PTGER3: variants seen among roughly 807,000 people sequenced by gnomAD.
PTGER3 encodes prostaglandin E2 receptor EP3 subtype.
In PTGER3, 22 loss-of-function variants were observed where a neutral mutation model predicts 34.7. The ratio of observed to expected loss-of-function variants is 0.63; its 90% CI spans 0.45 to 0.91. The LOEUF (loss-of-function observed/expected upper bound fraction) is 0.91, where lower values mean the gene tolerates loss of function less well. Among genes scored for constraint, PTGER3 ranks in the 40% least tolerant of loss-of-function variants. The pLI is 0.00. For synonymous variants in PTGER3, 241 were observed against 230.1 expected, an observed-to-expected ratio of 1.05 and a Z score of -0.43; for missense variants, 468 against 519.4, an observed-to-expected ratio of 0.90 and a Z score of 0.96.
chr1:70,954,318 C>T lies in PTGER3; in HGVS notation c.1078-529G>A, dbSNP rs116450812. 9.1e-3 allele frequency among the ~76,000 whole-genome samples: 1,388 copies of T among 152,168 alleles called. 19 individuals carry two copies. The highest frequency in any genetic ancestry group is 0.032 in the African/African-American group (1,315 of 41,474). ...CACTAACCTAGGAAGGTCTATTGGA[C>T]CAGTCTTTATAAAAGACTTTTATGA... is the stretch of plus-strand genomic sequence containing the variant. On this transcript the variant is annotated intron_variant, in intron 2 of 3. Transcript: ENST00000356595.
chr1:70,901,294 T>C (rs1219659883), intron 4 of PTGER3, among the ~76,000 whole-genome samples: 1 of 152,162 alleles, frequency 6.6e-6, no homozygotes, highest in African/African-American at 2.4e-5. Flanking sequence ...TAAGACAACA[T>C]GTCATCATCA....
downstream of PTGER3, among the ~76,000 whole-genome samples, chr1:70,968,425 A>G (rs1045757791): frequency 6.6e-6 from 1 of 152,108 alleles, no homozygotes; most frequent in Non-Finnish European, 1.5e-5. Flanking sequence ...TAAGGATCTT[A>G]CTTTATTTTG....
At chr1:70,912,241 C>T (rs1008344723) in intron 4 of PTGER3, among the ~76,000 whole-genome samples, 3 of 152,034 alleles carry the variant, frequency 2.0e-5, no homozygotes, top group Non-Finnish European at 4.4e-5. Flanking sequence ...GGATACCATT[C>T]ATTTTCTCCT....
At chr1:70,940,238 C>A (rs1352801152) in intron 4 of PTGER3, among the ~76,000 whole-genome samples, 1 of 152,214 alleles carries the variant, frequency 6.6e-6, no homozygotes, top group Non-Finnish European at 1.5e-5. Flanking sequence ...CCACCTGAGA[C>A]CACCTCAGCC....
intron 2 of PTGER3, among the ~76,000 whole-genome samples, chr1:70,999,653 AG>A (rs1656296497): frequency 6.6e-6 from 1 of 152,226 alleles, no homozygotes; most frequent in South Asian, 2.1e-4. Flanking sequence ...CTCTGTAACT[AG>A]GAAGCACAAG....
Position 71,046,965 on chromosome 1 carries a change from C to A in PTGER3, c.613G>T (p.Gly205Trp). Reference sequence around the variant, plus strand: ...CCGGTGCTGATGAAGCACCACGTCCCGGGCCACTGGACGGTGTACTGGCCC... The same window carrying A: ...CCGGTGCTGATGAAGCACCACGTCCAGGGCCACTGGACGGTGTACTGGCCC... ...GVGQYTVQWP[G>W]TWCFISTGRG... Residue 205 changes from glycine to tryptophan, a missense_variant, in exon 1 of 4, where the codon GGG becomes TGG. Around this residue, in one of 5 missense-constraint regions of PTGER3, gnomAD observed 204 missense variants for 230.8 expected, o/e 0.88. Transcript: ENST00000306666. The A allele has an allele frequency of 6.2e-7, 1 of 1,611,338 alleles. No individual in the cohort carries two copies. Among genetic ancestry groups the A allele is most frequent in the South Asian group, 1.1e-5 (1 of 90,746 alleles).
chr1:70,918,907 A>T (rs1403987479), intron 4 of PTGER3, among the ~76,000 whole-genome samples: 1 of 152,096 alleles, frequency 6.6e-6, no homozygotes, highest in African/African-American at 2.4e-5. Flanking sequence ...GAATTAGGAC[A>T]ATTTGCTATT....
intron 1 of PTGER3, among the ~76,000 whole-genome samples, chr1:71,030,040 A>G (rs991556959): frequency 2.0e-5 from 3 of 152,096 alleles, no homozygotes; most frequent in African/African-American, 7.2e-5. Context: ...CTTTGTAGGT[A>G]TTTGAGACAA....
At chr1:70,990,442 A>T (rs1486670638) in intron 2 of PTGER3, among the ~76,000 whole-genome samples, 1 of 146,968 alleles carries the variant, frequency 6.8e-6, no homozygotes, top group Non-Finnish European at 1.5e-5. Context: ...ATCAATGTAT[A>T]ATATATATAT....
chr1:70,982,785 T>C lies in PTGER3; in HGVS notation c.1078-8397A>G, dbSNP rs113883765. On this transcript the variant is annotated intron_variant, in intron 2 of 3. Coordinates refer to ENST00000306666, the MANE Select transcript of PTGER3 (RefSeq NM_198719.2). ...TCTCTGCTTTTTAAATTTCACTGTT[T>C]TTTCATTTTCTCCTTCCTCATTCAC... Among the ~76,000 whole-genome samples, 483 of 152,086 alleles carry C rather than the reference T, an allele frequency of 3.2e-3. 4 individuals carry two copies. The highest frequency in any genetic ancestry group is 0.011 in the African/African-American group (469 of 41,468).
chr1:70,877,349 T>A (rs1429542618), intron 4 of PTGER3, among the ~76,000 whole-genome samples: 1 of 152,216 alleles, frequency 6.6e-6, no homozygotes, highest in African/African-American at 2.4e-5. Context: ...CTAAGAGCTC[T>A]TGGGAAGAGA....
intron 4 of PTGER3, among the ~76,000 whole-genome samples, chr1:70,941,536 C>T (rs979005278): frequency 2.6e-5 from 4 of 152,116 alleles, no homozygotes; most frequent in Non-Finnish European, 5.9e-5. Context: ...TTACTGGCAC[C>T]TCTGCTTTGA....
chr1:70,964,551 G>A (rs190971873), intron 2 of PTGER3, among the ~76,000 whole-genome samples: 1 of 152,134 alleles, frequency 6.6e-6, no homozygotes, highest in Non-Finnish European at 1.5e-5. Flanking sequence ...ATCATCTCTT[G>A]TGAGATGTAT....
intron 4 of PTGER3, among the ~76,000 whole-genome samples, chr1:70,910,985 G>A (rs548049741): frequency 3.3e-5 from 5 of 151,800 alleles, no homozygotes; most frequent in Admixed American, 2.0e-4. Context: ...GAGGCTGAGG[G>A]AGGAGAATCG....
intron 2 of PTGER3, among the ~76,000 whole-genome samples, chr1:71,003,751 A>G (rs1656692469): frequency 6.6e-6 from 1 of 152,240 alleles, no homozygotes; most frequent in Non-Finnish European, 1.5e-5. Flanking sequence ...TTCACTGGGA[A>G]GTAATTACAT....
At chr1:70,878,399 T>A (rs1646318063) in intron 4 of PTGER3, among the ~76,000 whole-genome samples, 1 of 152,154 alleles carries the variant, frequency 6.6e-6, no homozygotes, top group Non-Finnish European at 1.5e-5. Context: ...TCTGTCTTAA[T>A]AATTTTTTCA....
intron 2 of PTGER3, among the ~76,000 whole-genome samples, chr1:70,976,918 C>T (rs1653761704): frequency 6.6e-6 from 1 of 152,130 alleles, no homozygotes. Context: ...CTTGTTTCAA[C>T]TAAACTTGCA....
chr1:70,971,737 T>A lies in PTGER3; in HGVS notation c.1170-4A>T. ...TCCAACTCCGTTCTTTCATTATCTG[T>A]TAGAATAGAGAGAGAAAGATGCAAT... On this transcript the variant is annotated splice_polypyrimidine_tract_variant and splice_region_variant and intron_variant, in intron 3 of 3. Coordinates refer to ENST00000306666, the MANE Select transcript of PTGER3 (RefSeq NM_198719.2). 1 of 1,547,428 alleles carries A rather than the reference T, an allele frequency of 6.5e-7. No homozygotes were observed. Among genetic ancestry groups the A allele is most frequent in the South Asian group, 1.2e-5 (1 of 80,120 alleles).
At chr1:71,022,604 T>C (rs185074221) in intron 1 of PTGER3, among the ~76,000 whole-genome samples, 2 of 151,960 alleles carry the variant, frequency 1.3e-5, no homozygotes, top group East Asian at 3.9e-4. Flanking sequence ...GCATCTTATA[T>C]TCAGGATGGA....
Sources: gnomAD v4.1 joint callset for allele counts (sites outside exome capture counted in the v4.1 genomes callset) on GRCh38, gnomAD v4.1.1 for gene constraint, gnomAD v4.1.1 regional missense constraint, MANE v1.5 for transcripts, NCBI Gene and HGNC (gene_info 2026-07-23, HGNC 2026-07-21) for gene names.